Variants in XPC observed in about 807,000 individuals in gnomAD.
The protein encoded by XPC is XPC complex subunit, DNA damage recognition and repair factor, also known as DNA repair protein complementing XP-C cells.
A neutral mutation model predicts 95.8 loss-of-function variants in XPC; 76 were observed. That is an observed-to-expected ratio of 0.79 (90% CI 0.66 to 0.96). The LOEUF is 0.96. Ranked by LOEUF, XPC falls within the 40% of genes least tolerant of loss-of-function variation. The probability of loss-of-function intolerance (pLI) is 0.00; values close to 1 mark genes in which losing one functional copy is unlikely to be tolerated. For missense variants in XPC, 1,146 were observed against 1,179.8 expected (o/e 0.97, Z 0.42); for synonymous variants, 442 against 442.1 (o/e 1.00, Z 0.00).
At chr3:14,168,437 G>A (rs1559381833) in intron 3 of XPC, 57 bp from the exon 4 acceptor site, 4 of 1,594,944 alleles carry the variant, frequency 2.5e-6, no homozygotes, top group Non-Finnish European at 3.4e-6. Context: ...AATAGCTACT[G>A]TACTGAACAG....
chr3:14,172,168 T>C (rs1486577256), intron 2 of XPC, among the ~76,000 whole-genome samples: 2 of 152,174 alleles, frequency 1.3e-5, no homozygotes, highest in Non-Finnish European at 2.9e-5. Flanking sequence ...ACTTGTTCAG[T>C]TTCTGCCAAA....
intron 1 of XPC, among the ~76,000 whole-genome samples, chr3:14,174,486 T>A (rs1696734327): frequency 6.6e-6 from 1 of 152,202 alleles, no homozygotes; most frequent in Non-Finnish European, 1.5e-5. Context: ...ACTTTTCTAG[T>A]TGGTTAAAAA....
chr3:14,156,548 A>G, intron 9 of XPC, 53 bp from the exon 10 acceptor site: 1 of 1,611,660 alleles, frequency 6.2e-7, no homozygotes, highest in Admixed American at 1.7e-5. Flanking sequence ...GAGGAAATGA[A>G]GTTTGAGGGA....
At position 14,147,950 on chromosome 3, in the gene XPC, G is replaced by T. The variant is rs767823910; in HGVS notation, c.2472C>A (p.Ala824=). ...CAATGACTGCCTGCTCATTTTCCCAGGCAGTCAGGAGCACGTCTTTGAATT... is the reference window on the plus strand; with the variant it reads ...CAATGACTGCCTGCTCATTTTCCCATGCAGTCAGGAGCACGTCTTTGAATT... ...CEEFKDVLLT[A]WENEQAVIER... The change falls in exon 14 of 16, where the codon GCC becomes GCA. Residue 824 remains alanine, a synonymous_variant. Transcript: ENST00000285021. 3.7e-6 allele frequency: 6 copies of T among 1,603,758 alleles called. No individual in the cohort carries two copies. The highest frequency in any genetic ancestry group is 5.1e-6 in the Non-Finnish European group (6 of 1,174,830).
chr3:14,163,690 A>G (rs1010410371), intron 7 of XPC, among the ~76,000 whole-genome samples: 1 of 152,246 alleles, frequency 6.6e-6, no homozygotes, highest in East Asian at 1.9e-4. Flanking sequence ...GTTGCACAAC[A>G]TTGTAAATGT....
Position 14,147,351 on chromosome 3 carries a change from C to T in XPC, c.2543G>A (p.Trp848Ter). Residue 848 changes from tryptophan to a stop codon, truncating the protein, a stop_gained, in exon 15 of 16, where the codon TGG (tryptophan) becomes TAG (stop). Transcript: ENST00000285021. LOFTEE classifies it high-confidence loss of function. ...EKKEKRALGN[W>*]KLLAKGLLIR... ...GAGCAGACCTTTGGCCAGCAACTTC[C>T]AGTTCCCTAGAGCCCGCTTCTCCTT... 1 of 1,611,580 alleles carries T rather than the reference C, an allele frequency of 6.2e-7. No individual in the cohort carries two copies.
intron 1 of XPC, 131 bp downstream of exon 1, chr3:14,178,335 G>A (rs1430380761): frequency 2.8e-6 from 3 of 1,072,474 alleles, no homozygotes; most frequent in Non-Finnish European, 3.8e-6. Flanking sequence ...AGCCTGCCGG[G>A]CTGCCCCCAC....
chr3:14,152,464 C>T (rs1394067110), intron 10 of XPC, 48 bp from the exon 11 acceptor site: 6 of 1,556,022 alleles, frequency 3.9e-6, no homozygotes, highest in East Asian at 2.4e-5. Context: ...CACAGCCCCA[C>T]TGCGGGAATG....
chr3:14,148,351 G>A, intron 13 of XPC: 1 of 686,512 alleles, frequency 1.5e-6, no homozygotes, highest in South Asian at 2.1e-5. Context: ...TTTTAATCCA[G>A]CATTACGATG....
At chr3:14,162,144 A>G (rs1013593970) in intron 7 of XPC, among the ~76,000 whole-genome samples, 3 of 152,232 alleles carry the variant, frequency 2.0e-5, no homozygotes, top group Admixed American at 6.5e-5. Context: ...GAGAAATTAA[A>G]GACAAAAATA....
At chr3:14,152,627 A>C in intron 10 of XPC, 5 of 502,854 alleles carry the variant, frequency 9.9e-6, no homozygotes, top group Non-Finnish European at 1.7e-5. Context: ...CCACTTACAA[A>C]CCCTAATCTG....
chr3:14,151,129 T>G (rs1695671947), intron 11 of XPC, among the ~76,000 whole-genome samples: 1 of 152,106 alleles, frequency 6.6e-6, no homozygotes, highest in Non-Finnish European at 1.5e-5. Context: ...ATTCCAGAAC[T>G]GTGCTACCAT....
At chr3:14,171,062 A>G (rs1218660429) in intron 2 of XPC, among the ~76,000 whole-genome samples, 7 of 152,248 alleles carry the variant, frequency 4.6e-5, no homozygotes, top group Non-Finnish European at 1.0e-4. Flanking sequence ...TGAGTCATAA[A>G]TAACAAGAGA....
At chr3:14,176,201 T>C (rs1463001232) in intron 1 of XPC, among the ~76,000 whole-genome samples, 1 of 152,210 alleles carries the variant, frequency 6.6e-6, no homozygotes, top group Non-Finnish European at 1.5e-5. Context: ...GGTGAAGTGT[T>C]GAGCTGGGAA....
chr3:14,160,557 C>T (rs1372413900), intron 7 of XPC, among the ~76,000 whole-genome samples: 1 of 152,208 alleles, frequency 6.6e-6, no homozygotes, highest in Non-Finnish European at 1.5e-5. Flanking sequence ...AAAATGATTG[C>T]TTTTGCCTTG....
At chr3:14,157,594 G>A (rs894671438) in intron 9 of XPC, among the ~76,000 whole-genome samples, 1 of 152,172 alleles carries the variant, frequency 6.6e-6, no homozygotes, top group Admixed American at 6.5e-5. Context: ...TTCCCAGGAG[G>A]TGAGTGTTCT....
Position 14,158,891 on chromosome 3 carries a change from C to A in XPC, c.992G>T (p.Gly331Val). 6.2e-7 allele frequency: 1 copy of A among 1,613,764 alleles called. No homozygotes were observed. Among genetic ancestry groups the A allele is most frequent in the East Asian group, 2.2e-5 (1 of 44,886 alleles). Residue 331 changes from glycine to valine, a missense_variant and splice_region_variant, in exon 9 of 16, where the codon GGA becomes GTA. By Grantham distance (109) the Gly-to-Val change is moderately radical. Transcript: ENST00000285021. The surrounding 1 kb of genome is among the most constrained non-coding windows in gnomAD (Gnocchi z 5.2). Reference sequence around the variant, plus strand: ...CAATCTTTCCTTGGAAGGTTTCTTTCCCTTAAACAGAATAAGAAATTTTGC... The same window carrying A: ...CAATCTTTCCTTGGAAGGTTTCTTTACCTTAAACAGAATAAGAAATTTTGC... ...PIPLKSATAK[G>V]KKPSKERLTA...
intron 10 of XPC, among the ~76,000 whole-genome samples, chr3:14,154,408 T>C (rs186848971): frequency 5.1e-4 from 77 of 152,260 alleles, no homozygotes; most frequent in African/African-American, 1.6e-3. Flanking sequence ...CAAGTGCCCA[T>C]TGATGGATGA....
rs747105231 is a variant in XPC at position 14,158,022 on chromosome 3, C to G, written c.1861G>C (p.Glu621Gln). The change falls in exon 9 of 16, where the codon GAA becomes CAA. Residue 621 changes from glutamate (E) to glutamine (Q), a missense_variant. Physicochemically the swap from Glu to Gln is conservative, Grantham distance 29. Coordinates refer to ENST00000285021, the MANE Select transcript of XPC (RefSeq NM_004628.5). The surrounding 1 kb of genome is among the most constrained non-coding windows in gnomAD (Gnocchi z 5.2). Reference sequence around the variant, plus strand: ...AGCCAAGGCCTTACCTCCAAGTCTTCTTTCTTCTCCCTGTCCATAAATGGG... The same window carrying G: ...AGCCAAGGCCTTACCTCCAAGTCTTGTTTCTTCTCCCTGTCCATAAATGGG... Reference protein sequence around the residue: ...QSPFMDREKKEDLEFQAKHMD... With the variant: ...QSPFMDREKKQDLEFQAKHMD... 6 of 1,598,172 alleles carry G rather than the reference C, an allele frequency of 3.8e-6. No individual in the cohort carries two copies. Among genetic ancestry groups the G allele is most frequent in the Non-Finnish European group, 5.1e-6 (6 of 1,167,180 alleles).
Sources: gnomAD v4.1 joint callset for allele counts (sites outside exome capture counted in the v4.1 genomes callset) on GRCh38, gnomAD v4.1.1 for gene constraint, Gnocchi (gnomAD v3.1) non-coding constraint, MANE v1.5 for transcripts, NCBI Gene and HGNC (gene_info 2026-07-23, HGNC 2026-07-21) for gene names.